XYLT1: variants seen among roughly 807,000 people sequenced by gnomAD.
XYLT1 encodes beta-D-xylosyltransferase 1.
A neutral mutation model predicts 91.3 loss-of-function variants in XYLT1; 36 were observed. The observed-to-expected ratio is 0.39, with a 90% confidence interval of 0.30 to 0.52. The LOEUF (loss-of-function observed/expected upper bound fraction) is 0.52, where lower values mean the gene tolerates loss of function less well. Ranked by LOEUF, XYLT1 falls within the 20% of genes least tolerant of loss-of-function variation. The pLI, the probability that XYLT1 is intolerant of heterozygous loss-of-function variation, is 0.68. For synonymous variants in XYLT1, 588 were observed against 532.0 expected, an observed-to-expected ratio of 1.11 and a Z score of -1.45; for missense variants, 1,242 against 1,284.5, an observed-to-expected ratio of 0.97 and a Z score of 0.51.
At chr16:17,175,873 C>T (rs1410430200) in intron 5 of XYLT1, among the ~76,000 whole-genome samples, 1 of 152,186 alleles carries the variant, frequency 6.6e-6, no homozygotes, top group Non-Finnish European at 1.5e-5. Flanking sequence ...CCACAGCTCA[C>T]TGTCCTTTTG....
chr16:17,381,135 G>A (rs1254079435), intron 1 of XYLT1, among the ~76,000 whole-genome samples: 4 of 152,142 alleles, frequency 2.6e-5, no homozygotes, highest in African/African-American at 9.7e-5. Flanking sequence ...CAAATCTAGA[G>A]TGAGAGAAAG....
chr16:17,230,247 A>G (rs1314099757), intron 3 of XYLT1, among the ~76,000 whole-genome samples: 1 of 152,196 alleles, frequency 6.6e-6, no homozygotes, highest in East Asian at 1.9e-4. Flanking sequence ...CAAACCCACC[A>G]GGGCTGCGAG....
intron 2 of XYLT1, among the ~76,000 whole-genome samples, chr16:17,315,452 C>T (rs2034615202): frequency 6.6e-6 from 1 of 152,194 alleles, no homozygotes; most frequent in Non-Finnish European, 1.5e-5. Context: ...TCTCGCTCCC[C>T]TAACTCTCAA....
At chr16:17,415,465 G>A (rs1338857515) in intron 1 of XYLT1, among the ~76,000 whole-genome samples, 4 of 152,158 alleles carry the variant, frequency 2.6e-5, no homozygotes, top group South Asian at 2.1e-4. Flanking sequence ...CGAGGCGGGC[G>A]GATTGCCTAA....
intron 2 of XYLT1, among the ~76,000 whole-genome samples, chr16:17,304,483 TTTGGAC>T (rs1308793782): frequency 8.6e-6 from 1 of 116,046 alleles, no homozygotes; most frequent in East Asian, 2.2e-4. Flanking sequence ...ATTTGGACCA[TTTGGAC>T]CGCGCAGGGG....
intron 1 of XYLT1, among the ~76,000 whole-genome samples, chr16:17,419,448 A>G (rs1435510228): frequency 2.0e-5 from 3 of 152,140 alleles, no homozygotes; most frequent in East Asian, 1.9e-4. Flanking sequence ...GCTATAGACA[A>G]TAGGTAAATG....
chr16:17,135,324 C>A (rs992025987), intron 8 of XYLT1, among the ~76,000 whole-genome samples: 2 of 152,086 alleles, frequency 1.3e-5, no homozygotes, highest in Admixed American at 6.6e-5. Context: ...GGTATTTCAG[C>A]CAACTTGCAG....
chr16:17,176,181 T>C lies in XYLT1; in HGVS notation c.1290-17272A>G, dbSNP rs191230443. On this transcript the variant is annotated intron_variant, in intron 5 of 11. Coordinates refer to ENST00000261381, the MANE Select transcript of XYLT1 (RefSeq NM_022166.4). The stretch of plus-strand genomic sequence containing the variant: ...CTTCATGCCTTACTTCAGTAAGTAC[T>C]TACTGAGCTCTCACTATGTGCCAGG... Among the ~76,000 whole-genome samples, 305 of 152,332 alleles carry C rather than the reference T, an allele frequency of 2.0e-3. 1 individual carries two copies. Among genetic ancestry groups the C allele is most frequent in the African/African-American group, 7.1e-3 (296 of 41,578 alleles).
intron 3 of XYLT1, among the ~76,000 whole-genome samples, chr16:17,206,090 A>T (rs1308981162): frequency 6.6e-6 from 1 of 152,120 alleles, no homozygotes; most frequent in Non-Finnish European, 1.5e-5. Context: ...GATTTAGGAA[A>T]GACACCGCCC....
chr16:17,256,424 G>A (rs1270595114), intron 3 of XYLT1, among the ~76,000 whole-genome samples: 2 of 152,032 alleles, frequency 1.3e-5, no homozygotes, highest in South Asian at 2.1e-4. Flanking sequence ...GGGCCGAGGC[G>A]GGTGGATCAC....
intron 3 of XYLT1, among the ~76,000 whole-genome samples, chr16:17,240,499 A>T (rs1021062418): frequency 2.0e-5 from 3 of 152,188 alleles, no homozygotes; most frequent in Non-Finnish European, 4.4e-5. Context: ...TTAGGAATGT[A>T]TTGCCACAAT....
At chr16:17,302,699 G>T (rs2034414692) in intron 2 of XYLT1, among the ~76,000 whole-genome samples, 1 of 152,096 alleles carries the variant, frequency 6.6e-6, no homozygotes, top group African/African-American at 2.4e-5. Flanking sequence ...GTCTTATTTT[G>T]TTTAGTACAC....
chr16:17,147,978 G>T (rs927490958), intron 6 of XYLT1, among the ~76,000 whole-genome samples: 1 of 152,194 alleles, frequency 6.6e-6, no homozygotes, highest in Admixed American at 6.5e-5. Flanking sequence ...CCATTGAGTA[G>T]GTTACCTGGG....
chr16:17,406,219 C>T (rs1270508229), intron 1 of XYLT1, among the ~76,000 whole-genome samples: 1 of 152,220 alleles, frequency 6.6e-6, no homozygotes, highest in African/African-American at 2.4e-5. Flanking sequence ...CATGCATTCA[C>T]ATGCTCATTC....
intron 2 of XYLT1, among the ~76,000 whole-genome samples, chr16:17,271,594 CT>C (rs937873472): frequency 6.6e-6 from 1 of 152,188 alleles, no homozygotes; most frequent in African/African-American, 2.4e-5. Flanking sequence ...CTGGATAACT[CT>C]TTGTTTTAGG....
chr16:17,348,825 T>C (rs893464475), intron 2 of XYLT1, among the ~76,000 whole-genome samples: 2 of 152,228 alleles, frequency 1.3e-5, no homozygotes, highest in Admixed American at 1.3e-4. Context: ...AAACCTTCTC[T>C]TTTAAGCTCC....
intron 3 of XYLT1, among the ~76,000 whole-genome samples, chr16:17,220,813 G>A (rs765709285): frequency 3.3e-5 from 5 of 152,112 alleles, no homozygotes; most frequent in African/African-American, 4.8e-5. Context: ...TGTTTGCCTG[G>A]GCAGATAAAA....
intron 2 of XYLT1, among the ~76,000 whole-genome samples, chr16:17,270,088 C>T (rs544520213): frequency 8.5e-5 from 13 of 152,322 alleles, no homozygotes; most frequent in African/African-American, 3.1e-4. Flanking sequence ...GCTGGGATTA[C>T]AGGCGTGGGC....
intron 3 of XYLT1, among the ~76,000 whole-genome samples, chr16:17,239,709 T>C (rs1279004104): frequency 6.6e-6 from 1 of 150,908 alleles, no homozygotes; most frequent in Non-Finnish European, 1.5e-5. Context: ...CATCCATCCA[T>C]CCACCCACCG....
Sources: allele counts gnomAD v4.1 joint callset (sites outside exome capture counted in the v4.1 genomes callset), GRCh38; gene constraint gnomAD v4.1.1; transcripts MANE v1.5; gene names NCBI Gene and HGNC (gene_info 2026-07-23, HGNC 2026-07-21).